Variants in ELP4 observed in about 807,000 individuals in gnomAD.
The protein encoded by ELP4 is elongator acetyltransferase complex subunit 4, also known as elongator complex protein 4.
Under a neutral mutation model 48.9 loss-of-function variants are expected in ELP4, and 51 were observed. The observed-to-expected ratio is 1.04, with a 90% CI of 0.83 to 1.32. The LOEUF (loss-of-function observed/expected upper bound fraction) is 1.32, where lower values mean the gene tolerates loss of function less well. ELP4 is among the 40% of genes most tolerant of loss of function. ELP4 has a pLI of 0.00. For missense variants in ELP4, 519 were observed against 514.6 expected (o/e 1.01, Z -0.08); for synonymous variants, 210 against 189.2 (o/e 1.11, Z -0.90).
chr11:31,790,313 G>A lies in ELP4; in HGVS notation c.*6789G>A. ...TGTTTGGAACTTTTACAATAAAGCT[G>A]TCTCTGGAAAACCAATGTGTCACTT... On this transcript the variant is annotated 3_prime_UTR_variant, in exon 10 of 10. Transcript: ENST00000640961. The A allele has an allele frequency of 4.7e-6, 3 of 640,040 alleles. No individual in the cohort carries two copies. Among genetic ancestry groups the A allele is most frequent in the Non-Finnish European group, 6.9e-6 (3 of 434,702 alleles). The allele number at this position is 640,040 out of a possible 1,614,324, so 39.6% of individuals were successfully genotyped here.
intron 9 of ELP4, among the ~76,000 whole-genome samples, chr11:31,736,347 A>G (rs897757385): frequency 5.3e-5 from 8 of 152,356 alleles, no homozygotes; most frequent in Middle Eastern, 6.8e-3. Flanking sequence ...AAAGACTTAC[A>G]TGGTAGACCT....
intron 9 of ELP4, among the ~76,000 whole-genome samples, chr11:31,680,545 G>A (rs1946032445): frequency 6.6e-6 from 1 of 152,078 alleles, no homozygotes; most frequent in South Asian, 2.1e-4. Context: ...GAAGCAAAGG[G>A]CAAGGAAAAC....
chr11:31,593,227 C>CGTTGTTGTTGT (rs1957614581), intron 3 of ELP4, among the ~76,000 whole-genome samples: 1 of 149,910 alleles, frequency 6.7e-6, no homozygotes, highest in Middle Eastern at 3.2e-3. Flanking sequence ...GTGAATAATA[C>CGTTGTTGTTGT]TGTTGTTGTT....
chr11:31,749,305 T>C (rs140932080), intron 9 of ELP4, among the ~76,000 whole-genome samples: 2 of 152,308 alleles, frequency 1.3e-5, no homozygotes, highest in East Asian at 3.9e-4. Context: ...CAGAAAACTC[T>C]AGTAAAAGTG....
At chr11:31,572,569 TAGAG>T (rs747134648) in intron 3 of ELP4, among the ~76,000 whole-genome samples, 40 of 152,244 alleles carry the variant, frequency 2.6e-4, no homozygotes, top group Non-Finnish European at 5.1e-4. Context: ...CATTTTCTGT[TAGAG>T]AGAGGATATG....
chr11:31,559,269 T>G (rs1312450103), intron 3 of ELP4, among the ~76,000 whole-genome samples: 1 of 152,242 alleles, frequency 6.6e-6, no homozygotes. Context: ...ATTTTAAGTT[T>G]TGCTAATCAG....
At chr11:31,645,996 A>C (rs540016709) in intron 7 of ELP4, 3 of 151,656 alleles carry the variant, frequency 2.0e-5, no homozygotes, top group African/African-American at 7.2e-5. Context: ...TGGGTGAAGA[A>C]TAACTGGCTG....
rs555566455 is a variant in ELP4 at position 31,721,445 on chromosome 11, C to G, written c.1144-61948C>G. ...AAATAACATTAGTACTGTATCACAA[C>G]ACTAGTGGATTTTGGTTTGTTAGAA... On this transcript the variant is annotated intron_variant, in intron 9 of 9. Coordinates refer to ENST00000640961, the MANE Select transcript of ELP4 (RefSeq NM_019040.5). Among the ~76,000 whole-genome samples, 43 of 151,702 alleles carry G rather than the reference C, an allele frequency of 2.8e-4. 1 individual carries two copies. The highest frequency in any genetic ancestry group is 2.5e-3 in the South Asian group (12 of 4,794).
intron 7 of ELP4, among the ~76,000 whole-genome samples, chr11:31,635,392 A>G (rs1944952760): frequency 6.6e-6 from 1 of 152,000 alleles, no homozygotes; most frequent in Non-Finnish European, 1.5e-5. Flanking sequence ...TACTGTCATT[A>G]TCTTTTCCCA....
intron 3 of ELP4, among the ~76,000 whole-genome samples, chr11:31,577,331 T>C (rs769653232): frequency 5.9e-5 from 9 of 152,152 alleles, no homozygotes; most frequent in African/African-American, 1.2e-4. Flanking sequence ...ACCCGATGGA[T>C]TAACAGCCAA....
chr11:31,634,690 A>G lies in ELP4; in HGVS notation c.927+2285A>G, dbSNP rs144000681. The stretch of plus-strand genomic sequence containing the variant: ...GATCTGGATGTCTGAACCTGAAACA[A>G]TATTTTAACTTTGATACTTTACAGG... On this transcript the variant is annotated intron_variant, in intron 7 of 9. Transcript: ENST00000640961. Among the ~76,000 whole-genome samples the G allele has an allele frequency of 3.7e-3, 564 of 152,148 alleles. 5 individuals carry two copies. The highest frequency in any genetic ancestry group is 0.013 in the African/African-American group (538 of 41,566).
At chr11:31,576,064 C>T (rs191137388) in intron 3 of ELP4, among the ~76,000 whole-genome samples, 3 of 152,258 alleles carry the variant, frequency 2.0e-5, no homozygotes, top group Admixed American at 2.0e-4. Context: ...TGCAGAGACA[C>T]ACATAGGCTC....
chr11:31,548,540 C>T (rs1158725585), intron 3 of ELP4, among the ~76,000 whole-genome samples: 6 of 152,180 alleles, frequency 3.9e-5, no homozygotes, highest in East Asian at 1.9e-4. Context: ...GAATCAATAT[C>T]GTGAAAATGG....
At chr11:31,598,396 C>G (rs1221061666) in intron 4 of ELP4, among the ~76,000 whole-genome samples, 2 of 151,562 alleles carry the variant, frequency 1.3e-5, no homozygotes, top group Non-Finnish European at 2.9e-5. Context: ...TTTTGTTCTT[C>G]CTTTTAGAGT....
chr11:31,509,950 G>C lies in ELP4; in HGVS notation c.166G>C (p.Val56Leu). ...GTCCATTGCGGGCACGCGACCGTCG[G>C]TGCGGAATGGACAGCTGCTGGTATC... ...LVSIAGTRPS[V>L]RNGQLLVSTG... Residue 56 changes from valine (V) to leucine (L), a missense_variant, in exon 1 of 10, where the codon GTG becomes CTG. Physicochemically the swap from Val to Leu is conservative, Grantham distance 32. Coordinates refer to ENST00000640961, the MANE Select transcript of ELP4 (RefSeq NM_019040.5). The C allele has an allele frequency of 6.2e-7, 1 of 1,613,328 alleles. No individual in the cohort carries two copies. The highest frequency in any genetic ancestry group is 8.5e-7 in the Non-Finnish European group (1 of 1,180,036).
chr11:31,551,581 G>A (rs984695684), intron 3 of ELP4, among the ~76,000 whole-genome samples: 1 of 152,010 alleles, frequency 6.6e-6, no homozygotes, highest in Non-Finnish European at 1.5e-5. Flanking sequence ...GAAAAGTTTT[G>A]GAAGTTATGC....
chr11:31,551,351 G>A (rs1956848233), intron 3 of ELP4, among the ~76,000 whole-genome samples: 1 of 152,112 alleles, frequency 6.6e-6, no homozygotes, highest in Admixed American at 6.5e-5. Flanking sequence ...GTAAAGTGCT[G>A]ATTTCTTTGG....
intron 9 of ELP4, among the ~76,000 whole-genome samples, chr11:31,718,341 G>A (rs1384412024): frequency 6.6e-6 from 1 of 152,184 alleles, no homozygotes; most frequent in Non-Finnish European, 1.5e-5. Flanking sequence ...TTTTAAAACA[G>A]TGGTGCTTTC....
chr11:31,531,115 T>A (rs1004581190), intron 2 of ELP4, among the ~76,000 whole-genome samples: 1 of 152,330 alleles, frequency 6.6e-6, no homozygotes, highest in African/African-American at 2.4e-5. Context: ...TTTTTGCTAA[T>A]CCCTAAGTAG....
Sources: allele counts gnomAD v4.1 joint callset (sites outside exome capture counted in the v4.1 genomes callset), GRCh38; gene constraint gnomAD v4.1.1; transcripts MANE v1.5; gene names NCBI Gene and HGNC (gene_info 2026-07-23, HGNC 2026-07-21).